ZNF521: variants seen among roughly 807,000 people sequenced by gnomAD.
The protein encoded by ZNF521 is LYST-interacting protein 3.
ZNF521 carries 14 observed loss-of-function variants against 105.5 expected under a neutral mutation model. The observed-to-expected ratio is 0.13, with a 90% confidence interval of 0.09 to 0.21. The LOEUF (loss-of-function observed/expected upper bound fraction) is 0.21, where lower values mean the gene tolerates loss of function less well. ZNF521 is among the 10% of genes least tolerant of loss of function. The pLI is 1.00. For synonymous variants in ZNF521, 635 were observed against 606.0 expected (o/e 1.05, Z -0.70); for missense variants, 1,233 against 1,629.7 (o/e 0.76, Z 4.19).
intron 7 of ZNF521, among the ~76,000 whole-genome samples, chr18:25,077,480 G>A (rs755340262): frequency 1.3e-5 from 2 of 151,942 alleles, no homozygotes; most frequent in Non-Finnish European, 2.9e-5. Context: ...GGCCACATCC[G>A]CGTGCCCCCC....
chr18:25,106,749 T>G (rs941372528), intron 5 of ZNF521, among the ~76,000 whole-genome samples: 6 of 152,154 alleles, frequency 3.9e-5, no homozygotes, highest in African/African-American at 9.7e-5. Flanking sequence ...AATATATATA[T>G]TTTAAAATCC....
chr18:25,067,219 C>G (rs2033086066), intron 7 of ZNF521, among the ~76,000 whole-genome samples: 1 of 152,110 alleles, frequency 6.6e-6, no homozygotes, highest in South Asian at 2.1e-4. Flanking sequence ...CCACAACATA[C>G]CTTAAAGCTG....
intron 3 of ZNF521, among the ~76,000 whole-genome samples, chr18:25,275,836 C>T (rs908279925): frequency 6.6e-6 from 1 of 152,142 alleles, no homozygotes; most frequent in Non-Finnish European, 1.5e-5. Flanking sequence ...TGCCCTTCCC[C>T]TTGACACATG....
At chr18:25,299,569 T>C in intron 3 of ZNF521, among the ~76,000 whole-genome samples, 1 of 152,196 alleles carries the variant, frequency 6.6e-6, no homozygotes. Context: ...AACAACACTG[T>C]AAGGTCTTTC....
intron 5 of ZNF521, among the ~76,000 whole-genome samples, chr18:25,117,091 A>ACAAC: frequency 7.0e-5 from 2 of 28,658 alleles, no homozygotes; most frequent in Non-Finnish European, 8.7e-5. Context: ...ACATACACAC[A>ACAAC]TCCTTAATTA....
At chr18:25,240,900 G>A (rs992396659) in intron 3 of ZNF521, among the ~76,000 whole-genome samples, 2 of 151,042 alleles carry the variant, frequency 1.3e-5, no homozygotes, top group Non-Finnish European at 2.9e-5. Context: ...CCAGCACTGG[G>A]GCGAGTTTTC....
intron 5 of ZNF521, among the ~76,000 whole-genome samples, chr18:25,105,419 A>G (rs2034052409): frequency 6.6e-6 from 1 of 152,166 alleles, no homozygotes; most frequent in Admixed American, 6.6e-5. Context: ...TGTTGAAGGA[A>G]GTGTCTACAC....
chr18:25,287,236 A>G (rs2145013226), intron 3 of ZNF521, among the ~76,000 whole-genome samples: 1 of 152,316 alleles, frequency 6.6e-6, no homozygotes, highest in South Asian at 2.1e-4. Flanking sequence ...AATCATTCTG[A>G]CATGCAACTG....
At chr18:25,247,974 T>TC (rs139273067) in intron 3 of ZNF521, among the ~76,000 whole-genome samples, 9,437 of 152,228 alleles carry the variant, frequency 0.062, 323 homozygotes, top group Middle Eastern at 0.092. Context: ...CCTCCCAAAT[T>TC]CCTGCCATTT....
At chr18:25,263,960 T>A (rs934170949) in intron 3 of ZNF521, among the ~76,000 whole-genome samples, 4 of 152,218 alleles carry the variant, frequency 2.6e-5, no homozygotes, top group Admixed American at 2.6e-4. Context: ...CCATTATACC[T>A]GTGATACTGT....
chr18:25,124,341 C>A (rs2034499078), intron 5 of ZNF521, among the ~76,000 whole-genome samples: 2 of 152,084 alleles, frequency 1.3e-5, no homozygotes, highest in South Asian at 4.2e-4. Context: ...CAGCTGCAGT[C>A]CTGCTTCATT....
At chr18:25,288,173 A>G (rs1910811812) in intron 3 of ZNF521, among the ~76,000 whole-genome samples, 1 of 152,186 alleles carries the variant, frequency 6.6e-6, no homozygotes, top group Non-Finnish European at 1.5e-5. Flanking sequence ...TAGAAATTTC[A>G]TAACTCTGCA....
chr18:25,225,546 G>T lies in ZNF521; in HGVS notation c.2372C>A (p.Ser791Tyr). Residue 791 changes from serine to tyrosine, a missense_variant, in exon 4 of 8, where the codon TCC becomes TAC. Ser to Tyr is a moderately radical substitution (Grantham distance 144). Coordinates refer to ENST00000361524, the MANE Select transcript of ZNF521 (RefSeq NM_015461.3). The surrounding 1 kb of genome is among the most constrained non-coding windows in gnomAD (Gnocchi z 5.6). The stretch of plus-strand genomic sequence containing the variant: ...TTGCAGCTCCACCTCGGTGCCAAAG[G>T]ACTCACCGCAGAAAATGCACTTATG... ...KVHKCIFCGE[S>Y]FGTEVELQCH... The T allele has an allele frequency of 6.2e-7, 1 of 1,614,184 alleles. No homozygotes were observed. Among genetic ancestry groups the T allele is most frequent in the Non-Finnish European group, 8.5e-7 (1 of 1,180,026 alleles).
intron 5 of ZNF521, among the ~76,000 whole-genome samples, chr18:25,120,626 CA>C (rs1202871922): frequency 1.4e-5 from 2 of 142,160 alleles, no homozygotes; most frequent in Non-Finnish European, 1.5e-5. Context: ...AACAAACAAA[CA>C]AAAAAACCTA....
intron 3 of ZNF521, among the ~76,000 whole-genome samples, chr18:25,295,857 C>CT (rs1361270906): frequency 8.5e-5 from 13 of 152,170 alleles, no homozygotes; most frequent in African/African-American, 2.4e-4. Context: ...TATCCTTAAA[C>CT]TTAGTGTATA....
intron 5 of ZNF521, among the ~76,000 whole-genome samples, chr18:25,193,753 C>T (rs563375679): frequency 2.0e-5 from 3 of 152,024 alleles, no homozygotes; most frequent in African/African-American, 4.8e-5. Flanking sequence ...GCTGTCAACG[C>T]TATTGTCACA....
chr18:25,329,117 T>C (rs1334512613), intron 2 of ZNF521, among the ~76,000 whole-genome samples: 2 of 152,196 alleles, frequency 1.3e-5, no homozygotes, highest in South Asian at 2.1e-4. Flanking sequence ...AACGTCTAAA[T>C]TCCTGTCCCA....
At chr18:25,249,224 C>T (rs1026874996) in intron 3 of ZNF521, among the ~76,000 whole-genome samples, 4 of 151,320 alleles carry the variant, frequency 2.6e-5, no homozygotes, top group East Asian at 3.9e-4. Flanking sequence ...GCTCACTGCT[C>T]GGCTCACTGC....
chr18:25,323,343 T>C (rs1913036797), intron 2 of ZNF521, among the ~76,000 whole-genome samples: 1 of 152,172 alleles, frequency 6.6e-6, no homozygotes, highest in Non-Finnish European at 1.5e-5. Flanking sequence ...ACGTAAGGCA[T>C]TATCTGTAGC....
Sources: gnomAD v4.1 joint callset for allele counts (sites outside exome capture counted in the v4.1 genomes callset) on GRCh38, gnomAD v4.1.1 for gene constraint, Gnocchi (gnomAD v3.1) non-coding constraint, MANE v1.5 for transcripts, NCBI Gene and HGNC (gene_info 2026-07-23, HGNC 2026-07-21) for gene names.